The following ADAMTS19 variants were observed in gnomAD, a reference collection of about 807,000 sequenced individuals.
ADAMTS19 encodes A disintegrin and metalloproteinase with thrombospondin motifs 19.
In ADAMTS19, 93 loss-of-function variants were observed where a neutral mutation model predicts 153.3. The ratio of observed to expected loss-of-function variants is 0.61; its 90% CI spans 0.51 to 0.72. The LOEUF is 0.72. Ranked by LOEUF, ADAMTS19 falls within the 30% of genes least tolerant of loss-of-function variation. ADAMTS19 has a pLI of 0.00. For synonymous variants in ADAMTS19, 600 were observed against 556.6 expected (o/e 1.08, Z -1.10); for missense variants, 1,482 against 1,552.1 (o/e 0.95, Z 0.76).
chr5:129,640,515 T>A (rs1752743655), intron 10 of ADAMTS19, among the ~76,000 whole-genome samples: 1 of 152,174 alleles, frequency 6.6e-6, no homozygotes, highest in African/African-American at 2.4e-5. Context: ...AACACCAGAA[T>A]AAGTTTCCTA....
At chr5:129,652,540 C>G (rs919729716) in intron 13 of ADAMTS19, among the ~76,000 whole-genome samples, 1 of 152,296 alleles carries the variant, frequency 6.6e-6, no homozygotes, top group South Asian at 2.1e-4. Context: ...AAGACAGAAC[C>G]TGCCTGCCAA....
intron 8 of ADAMTS19, among the ~76,000 whole-genome samples, chr5:129,601,856 C>G (rs567912156): frequency 6.6e-6 from 1 of 152,120 alleles, no homozygotes; most frequent in Non-Finnish European, 1.5e-5. Flanking sequence ...GTCTCCATTC[C>G]CTCCTGAGGT....
At chr5:129,479,565 C>T (rs1750341851) in intron 2 of ADAMTS19, among the ~76,000 whole-genome samples, 1 of 152,066 alleles carries the variant, frequency 6.6e-6, no homozygotes, top group Non-Finnish European at 1.5e-5. Context: ...ACATGATGGT[C>T]TATAGAGACA....
At chr5:129,736,477 T>G (rs1168537832) in intron 22 of ADAMTS19, among the ~76,000 whole-genome samples, 1 of 152,094 alleles carries the variant, frequency 6.6e-6, no homozygotes, top group Non-Finnish European at 1.5e-5. Context: ...GACCAAATAT[T>G]CTATACCAAC....
At chr5:129,648,247 G>A (rs78044182) in intron 12 of ADAMTS19, among the ~76,000 whole-genome samples, 9 of 152,254 alleles carry the variant, frequency 5.9e-5, no homozygotes, top group African/African-American at 1.9e-4. Context: ...CAAAATTAAT[G>A]ACAGCAAAAG....
In ADAMTS19 at chr5:129,685,445, A is replaced by T. The variant is rs554104925; in HGVS notation, c.2818+1172A>T. ...AGAGTATTAGAAGAAGGAGGGAATG[A>T]TCAACTGTATCAAAAGTTGCAATAA... On this transcript the variant is annotated intron_variant, in intron 18 of 22. Transcript: ENST00000274487. Among the ~76,000 whole-genome samples the T allele has an allele frequency of 2.6e-5, 4 of 152,254 alleles. No individual in the cohort carries two copies. The South Asian group carries it at 8.3e-4, about 32-fold the overall frequency.
At position 129,587,196 on chromosome 5, in the gene ADAMTS19, T is replaced by C; in HGVS notation, c.1373-9363T>C. On this transcript the variant is annotated intron_variant, in intron 7 of 22. Coordinates refer to ENST00000274487, the MANE Select transcript of ADAMTS19 (RefSeq NM_133638.6). ...ATATAATCTACTGATTATAATCTAC[T>C]ACTAGAGATCATAATCTACTAATCT... 2.6e-5 allele frequency among the ~76,000 whole-genome samples: 4 copies of C among 152,276 alleles called. No individual in the cohort carries two copies. The Middle Eastern group carries it at 0.014, about 518-fold the overall frequency.
At chr5:129,592,778 T>C (rs1168884652) in intron 7 of ADAMTS19, among the ~76,000 whole-genome samples, 1 of 152,168 alleles carries the variant, frequency 6.6e-6, no homozygotes, top group African/African-American at 2.4e-5. Context: ...GTTCTACTAA[T>C]TACCATTCAA....
intron 6 of ADAMTS19, among the ~76,000 whole-genome samples, chr5:129,536,171 G>C (rs1194234176): frequency 1.3e-5 from 2 of 152,210 alleles, no homozygotes; most frequent in African/African-American, 2.4e-5. Flanking sequence ...ATCTGACAAA[G>C]GGCTAATATC....
chr5:129,658,343 A>AGAGAG lies in ADAMTS19; in HGVS notation c.2305-274_2305-273insGAGAG, dbSNP rs1561632359. Among the ~76,000 whole-genome samples the AGAGAG allele has an allele frequency of 7.4e-4, 83 of 112,266 alleles. 2 individuals are homozygous for AGAGAG. The highest frequency in any genetic ancestry group is 2.3e-3 in the South Asian group (8 of 3,434). The allele number at this position is 112,266 out of a possible 152,430, so 73.7% of individuals were successfully genotyped here. On this transcript the variant is annotated intron_variant, in intron 14 of 22. Coordinates refer to ENST00000274487, the MANE Select transcript of ADAMTS19 (RefSeq NM_133638.6). ...AAAGAAAGAAAGAAAGAAAGAAAGA[A>AGAGAG]AGAAAGAAAGAAAGAAAGAAAGAAA... is the stretch of plus-strand genomic sequence containing the variant.
chr5:129,483,928 G>A (rs150558706), intron 2 of ADAMTS19, among the ~76,000 whole-genome samples: 8 of 152,226 alleles, frequency 5.3e-5, no homozygotes, highest in East Asian at 1.9e-4. Flanking sequence ...CAGGGCTTGC[G>A]TTATTAAAAG....
intron 7 of ADAMTS19, among the ~76,000 whole-genome samples, chr5:129,579,692 A>T (rs1749410042): frequency 6.6e-6 from 1 of 152,158 alleles, no homozygotes; most frequent in Admixed American, 6.5e-5. Flanking sequence ...TTAAATAGGG[A>T]ATCCTTTCCC....
chr5:129,521,755 A>G (rs554501556), intron 3 of ADAMTS19, among the ~76,000 whole-genome samples: 1 of 152,260 alleles, frequency 6.6e-6, no homozygotes, highest in South Asian at 2.1e-4. Flanking sequence ...ATGTTTTACT[A>G]CTCAGTCACA....
At chr5:129,627,802 T>C (rs1752117471) in intron 10 of ADAMTS19, among the ~76,000 whole-genome samples, 1 of 151,864 alleles carries the variant, frequency 6.6e-6, no homozygotes, top group Admixed American at 6.6e-5. Context: ...CAGATGCTGG[T>C]GAGGTTGCAG....
intron 6 of ADAMTS19, among the ~76,000 whole-genome samples, chr5:129,533,703 A>G (rs1752299738): frequency 6.6e-6 from 1 of 151,498 alleles, no homozygotes; most frequent in African/African-American, 2.4e-5. Flanking sequence ...TCAATTTTAG[A>G]TCTTTCCTGC....
chr5:129,478,237 A>G (rs1274147413), intron 2 of ADAMTS19, among the ~76,000 whole-genome samples: 3 of 152,174 alleles, frequency 2.0e-5, no homozygotes, highest in Admixed American at 6.5e-5. Flanking sequence ...GTTGCTATGT[A>G]AGGGAAACCA....
At chr5:129,698,253 T>C (rs1581237470) in intron 19 of ADAMTS19, among the ~76,000 whole-genome samples, 1 of 152,270 alleles carries the variant, frequency 6.6e-6, no homozygotes, top group East Asian at 1.9e-4. Flanking sequence ...AAGCAAAATA[T>C]TGGAAAGAAA....
chr5:129,537,545 G>C (rs995952967), intron 6 of ADAMTS19, among the ~76,000 whole-genome samples: 1 of 151,642 alleles, frequency 6.6e-6, no homozygotes, highest in African/African-American at 2.4e-5. Context: ...AACAATGATA[G>C]ACTGGATTAA....
In ADAMTS19 at chr5:129,658,749, T is replaced by C. The variant is rs773175359; in HGVS notation, c.2425+12T>C. 1 of 1,597,204 alleles carries C rather than the reference T, an allele frequency of 6.3e-7. No individual in the cohort carries two copies. The highest frequency in any genetic ancestry group is 8.5e-7 in the Non-Finnish European group (1 of 1,173,928). ...CACCAGAGGAGCAGGTAATTTTTCTTTATTTTTTCATAAATATTAATCCCT... is the reference window on the plus strand; with the variant it reads ...CACCAGAGGAGCAGGTAATTTTTCTCTATTTTTTCATAAATATTAATCCCT... On this transcript the variant is annotated intron_variant, in intron 15 of 22. Coordinates refer to ENST00000274487, the MANE Select transcript of ADAMTS19 (RefSeq NM_133638.6).
Sources: allele counts gnomAD v4.1 joint callset (sites outside exome capture counted in the v4.1 genomes callset), GRCh38; gene constraint gnomAD v4.1.1; transcripts MANE v1.5; gene names NCBI Gene and HGNC (gene_info 2026-07-23, HGNC 2026-07-21).